The following MS4A4E variants were observed in gnomAD, a reference collection of about 807,000 sequenced individuals.
The protein encoded by MS4A4E is membrane spanning 4-domains A4E.
In MS4A4E, 23 loss-of-function variants were observed where a neutral mutation model predicts 13.3. The observed-to-expected ratio is 1.73, with a 90% CI of 1.25 to 2.45. The LOEUF (loss-of-function observed/expected upper bound fraction) is 2.45. Among genes scored for constraint, MS4A4E ranks in the 30% most tolerant of loss-of-function variants. The pLI, the probability that MS4A4E is intolerant of heterozygous loss-of-function variation, is 0.00. For missense variants in MS4A4E, 144 were observed against 131.2 expected (o/e 1.10, Z -0.48); for synonymous variants, 36 against 45.6 (o/e 0.79, Z 0.85).
intron 1 of MS4A4E, among the ~76,000 whole-genome samples, chr11:60,231,086 A>C (rs1228362470): frequency 6.6e-6 from 1 of 152,214 alleles, no homozygotes; most frequent in Non-Finnish European, 1.5e-5. Context: ...TAGATCAATG[A>C]AAATACATTA....
At chr11:60,228,226 C>T (rs140965428) in intron 3 of MS4A4E, among the ~76,000 whole-genome samples, 8 of 152,088 alleles carry the variant, frequency 5.3e-5, no homozygotes, top group Admixed American at 2.0e-4. Context: ...AAATATACAA[C>T]GAAATTCAAA....
chr11:60,230,355 C>A (rs550839465), intron 1 of MS4A4E, among the ~76,000 whole-genome samples: 1 of 152,242 alleles, frequency 6.6e-6, no homozygotes, highest in Non-Finnish European at 1.5e-5. Flanking sequence ...CTTCAAATCC[C>A]AAGTCTGCTC....
At chr11:60,207,248 A>C (rs969935182) in intron 6 of MS4A4E, among the ~76,000 whole-genome samples, 2 of 152,164 alleles carry the variant, frequency 1.3e-5, no homozygotes, top group African/African-American at 4.8e-5. Context: ...CCAGGAAGAG[A>C]TAGAGATTTA....
chr11:60,235,248 A>C (rs1400678418), intron 1 of MS4A4E, among the ~76,000 whole-genome samples: 1 of 152,180 alleles, frequency 6.6e-6, no homozygotes, highest in Admixed American at 6.5e-5. Context: ...GCACACCAGC[A>C]CACCCAGCTA....
intron 2 of MS4A4E, among the ~76,000 whole-genome samples, chr11:60,228,901 A>G (rs1019120850): frequency 3.3e-5 from 5 of 152,236 alleles, no homozygotes; most frequent in Admixed American, 2.6e-4. Flanking sequence ...TATGAAGACG[A>G]TAGAAGATTA....
intron 1 of MS4A4E, among the ~76,000 whole-genome samples, chr11:60,241,238 A>G (rs1466776625): frequency 3.3e-5 from 5 of 152,086 alleles, no homozygotes; most frequent in African/African-American, 1.2e-4. Flanking sequence ...GTTAGCCAGG[A>G]TGGTCTCGAT....
intron 1 of MS4A4E, among the ~76,000 whole-genome samples, chr11:60,240,489 C>G (rs1370507981): frequency 6.6e-6 from 1 of 152,162 alleles, no homozygotes; most frequent in Non-Finnish European, 1.5e-5. Context: ...ACAACTGTGT[C>G]ACCCTCCCCT....
intron 5 of MS4A4E, among the ~76,000 whole-genome samples, chr11:60,209,764 C>T (rs547748682): frequency 5.9e-5 from 9 of 152,244 alleles, no homozygotes; most frequent in Non-Finnish European, 5.9e-5. Context: ...CAGGGATTAT[C>T]TGGTTTAAAT....
chr11:60,211,411 A>G (rs1054846065), intron 5 of MS4A4E, among the ~76,000 whole-genome samples: 1 of 152,194 alleles, frequency 6.6e-6, no homozygotes, highest in African/African-American at 2.4e-5. Flanking sequence ...AGCCCTCAAG[A>G]CTATGTGGGA....
At chr11:60,214,458 T>C (rs2084164361) in intron 4 of MS4A4E, 113 bp downstream of exon 4, 1 of 604,574 alleles carries the variant, frequency 1.7e-6, no homozygotes, top group Non-Finnish European at 2.6e-6. Context: ...GTAAAATGCA[T>C]AGTTGCTCCT....
rs116636653 is a variant in MS4A4E, at chr11:60,210,056, G to A, written c.382-1362C>T. Among the ~76,000 whole-genome samples the A allele has an allele frequency of 3.8e-3, 584 of 152,276 alleles. 4 individuals are homozygous for A. The highest frequency in any genetic ancestry group is 0.013 in the African/African-American group (528 of 41,548). On this transcript the variant is annotated intron_variant, in intron 5 of 8. Transcript: ENST00000651255. ...TAGACTAGAAGATGGCAAGCTTTCC[G>A]TAAAGGCCAGATAATGTACATTTTA... is the stretch of plus-strand genomic sequence containing the variant.
In MS4A4E at chr11:60,229,910, AC is replaced by A; in HGVS notation, c.144+1del. 6.3e-7 allele frequency: 1 copy of A among 1,597,628 alleles called. No individual in the cohort carries two copies. The highest frequency in any genetic ancestry group is 1.3e-5 in the African/African-American group (1 of 74,736). ...CTTCTCCCAGATTTGCAATTGACTT[AC>A]CCCAAGGACTTTGGGTTTCCTCTTG... On this transcript the variant is annotated splice_donor_variant, in intron 2 of 8. Coordinates refer to ENST00000651255, the MANE Select transcript of MS4A4E (RefSeq NM_001393391.1). LOFTEE classifies it high-confidence loss of function.
intron 3 of MS4A4E, among the ~76,000 whole-genome samples, chr11:60,222,765 C>G (rs1234100201): frequency 1.3e-5 from 2 of 152,074 alleles, no homozygotes; most frequent in Non-Finnish European, 2.9e-5. Flanking sequence ...AAGATTGCCA[C>G]CTGGCCATTT....
chr11:60,227,548 C>T (rs2084359771), intron 3 of MS4A4E, among the ~76,000 whole-genome samples: 1 of 151,714 alleles, frequency 6.6e-6, no homozygotes, highest in South Asian at 2.1e-4. Flanking sequence ...CAGACTCCAT[C>T]TCAAAATATA....
At chr11:60,207,632 G>A (rs900073915) in intron 6 of MS4A4E, among the ~76,000 whole-genome samples, 1 of 152,142 alleles carries the variant, frequency 6.6e-6, no homozygotes, top group Admixed American at 6.5e-5. Flanking sequence ...TTTATTCTTT[G>A]GCTGACGGTT....
chr11:60,216,837 C>A (rs2084200972), intron 3 of MS4A4E, among the ~76,000 whole-genome samples: 1 of 151,938 alleles, frequency 6.6e-6, no homozygotes, highest in South Asian at 2.1e-4. Context: ...GCCAGCATAG[C>A]CAGAATAAAA....
chr11:60,242,047 C>G (rs79165605), intron 1 of MS4A4E, among the ~76,000 whole-genome samples: 1 of 152,136 alleles, frequency 6.6e-6, no homozygotes, highest in Non-Finnish European at 1.5e-5. Context: ...TATACACGGT[C>G]ATCCCCTTTT....
chr11:60,237,997 G>T (rs540751727), intron 1 of MS4A4E, among the ~76,000 whole-genome samples: 9 of 151,412 alleles, frequency 5.9e-5, no homozygotes, highest in Non-Finnish European at 1.2e-4. Context: ...CTGATTTTTT[G>T]AATGCTAAAT....
chr11:60,239,026 A>G (rs1040351116), intron 1 of MS4A4E, among the ~76,000 whole-genome samples: 3 of 152,238 alleles, frequency 2.0e-5, no homozygotes, highest in Non-Finnish European at 4.4e-5. Context: ...ATTACCTATA[A>G]TAGTCAAAAG....
Sources: gnomAD v4.1 joint callset for allele counts (sites outside exome capture counted in the v4.1 genomes callset) on GRCh38, gnomAD v4.1.1 for gene constraint, MANE v1.5 for transcripts, NCBI Gene and HGNC (gene_info 2026-07-23, HGNC 2026-07-21) for gene names.